Variants in MCTP1 observed in about 807,000 individuals in gnomAD.
MCTP1 encodes the protein multiple C2 and transmembrane domain-containing protein 1.
MCTP1 carries 69 observed loss-of-function variants against 120.6 expected under a neutral mutation model. That is an observed-to-expected ratio of 0.57 (90% CI 0.47 to 0.70). The LOEUF is 0.70. MCTP1 is among the 30% of genes least tolerant of loss of function. The probability of loss-of-function intolerance (pLI) is 0.00; values close to 1 mark genes in which losing one functional copy is unlikely to be tolerated. For synonymous variants in MCTP1, 529 were observed against 493.1 expected, an observed-to-expected ratio of 1.07 and a Z score of -0.96; for missense variants, 1,203 against 1,248.8, an observed-to-expected ratio of 0.96 and a Z score of 0.55.
At chr5:95,133,399 C>T (rs1759196701) in intron 1 of MCTP1, among the ~76,000 whole-genome samples, 1 of 152,150 alleles carries the variant, frequency 6.6e-6, no homozygotes, top group Non-Finnish European at 1.5e-5. Context: ...AGGCCGGGTG[C>T]AGTGGCTCAT....
intron 1 of MCTP1, among the ~76,000 whole-genome samples, chr5:95,039,186 TGATA>T (rs1297486770): frequency 1.3e-5 from 2 of 152,188 alleles, no homozygotes; most frequent in East Asian, 3.8e-4. Flanking sequence ...ACTTTCAAAA[TGATA>T]GTCTAATTAT....
chr5:94,921,378 G>A lies in MCTP1; in HGVS notation c.1272+2584C>T, dbSNP rs543434510. 7.2e-5 allele frequency among the ~76,000 whole-genome samples: 11 copies of A among 152,296 alleles called. No individual in the cohort carries two copies. The East Asian group carries it at 1.7e-3, about 24-fold the overall frequency. The stretch of plus-strand genomic sequence containing the variant: ...AGCAAGTAGCACTGATGTTCCAGCT[G>A]AGCAAGTTTTTACTAGGATGTAGTT... On this transcript the variant is annotated intron_variant, in intron 7 of 22. Transcript: ENST00000515393.
At chr5:94,716,267 A>G (rs1412753401) in intron 19 of MCTP1, among the ~76,000 whole-genome samples, 1 of 152,226 alleles carries the variant, frequency 6.6e-6, no homozygotes, top group Non-Finnish European at 1.5e-5. Flanking sequence ...GACGAGACGC[A>G]TAAAGCTTAA....
chr5:94,791,494 C>G (rs1434576529), intron 18 of MCTP1, among the ~76,000 whole-genome samples: 2 of 109,052 alleles, frequency 1.8e-5, no homozygotes, highest in Admixed American at 1.9e-4. Context: ...GACCCTGTTT[C>G]TAAAATACAC....
chr5:94,998,486 G>C (rs866904190), intron 2 of MCTP1, among the ~76,000 whole-genome samples: 3 of 152,124 alleles, frequency 2.0e-5, no homozygotes, highest in Middle Eastern at 6.8e-3. Flanking sequence ...AACTGATTCT[G>C]GTAGACCGCC....
intron 1 of MCTP1, among the ~76,000 whole-genome samples, chr5:95,238,084 A>G (rs1180771725): frequency 2.0e-5 from 3 of 152,224 alleles, no homozygotes; most frequent in Middle Eastern, 3.2e-3. Context: ...AATCGGAACA[A>G]GGGAAATTTG....
At chr5:95,110,385 G>A (rs1757367065) in intron 1 of MCTP1, among the ~76,000 whole-genome samples, 1 of 151,978 alleles carries the variant, frequency 6.6e-6, no homozygotes, top group Non-Finnish European at 1.5e-5. Flanking sequence ...TGGATAGGAG[G>A]AGACTGTCTT....
intron 20 of MCTP1, among the ~76,000 whole-genome samples, chr5:94,711,839 A>C (rs1338687374): frequency 1.3e-5 from 2 of 152,182 alleles, no homozygotes; most frequent in African/African-American, 4.8e-5. Flanking sequence ...AAAAGTAGAA[A>C]ATCAGGGAAC....
At chr5:95,123,147 A>G (rs1268885152) in intron 1 of MCTP1, among the ~76,000 whole-genome samples, 1 of 152,222 alleles carries the variant, frequency 6.6e-6, no homozygotes, top group African/African-American at 2.4e-5. Context: ...CACAAAGAAT[A>G]AATGCTTGAG....
In MCTP1 at chr5:95,087,451, C is replaced by T. The variant is rs530662262; in HGVS notation, c.721-69967G>A. On this transcript the variant is annotated intron_variant, in intron 1 of 22. Coordinates refer to ENST00000515393, the MANE Select transcript of MCTP1 (RefSeq NM_024717.7). The stretch of plus-strand genomic sequence containing the variant: ...GAACTGAATGAAGGCAGCACTCAAG[C>T]TTCCTTTAAAGGAGACAGTCTCTGC... Among the ~76,000 whole-genome samples, 6 of 152,300 alleles carry T rather than the reference C, an allele frequency of 3.9e-5. No homozygotes were observed. In the East Asian group the frequency reaches 1.2e-3, roughly 29 times the overall value.
chr5:95,046,718 C>A (rs1439213590), intron 1 of MCTP1, among the ~76,000 whole-genome samples: 1 of 152,122 alleles, frequency 6.6e-6, no homozygotes, highest in East Asian at 1.9e-4. Context: ...CCTCTCCCTG[C>A]AGTTAGTTAC....
intron 12 of MCTP1, among the ~76,000 whole-genome samples, chr5:94,877,363 G>A (rs186677010): frequency 5.2e-4 from 79 of 151,832 alleles, no homozygotes; most frequent in Non-Finnish European, 9.3e-4. Flanking sequence ...CCATAATCTA[G>A]TTAAATACTA....
At position 94,728,332 on chromosome 5, in the gene MCTP1, C is replaced by T. The variant is rs531278156; in HGVS notation, c.2611-13446G>A. Among the ~76,000 whole-genome samples, 5 of 152,212 alleles carry T rather than the reference C, an allele frequency of 3.3e-5. No individual in the cohort carries two copies. In the South Asian group the frequency reaches 6.2e-4, roughly 19 times the overall value. ...GAGCAAATCAGGATAAAAGCAATGTCGAAGTCATGTTAAAGGCCTGACTTG... is the reference window on the plus strand; with the variant it reads ...GAGCAAATCAGGATAAAAGCAATGTTGAAGTCATGTTAAAGGCCTGACTTG... On this transcript the variant is annotated intron_variant, in intron 19 of 22. Transcript: ENST00000515393.
intron 19 of MCTP1, among the ~76,000 whole-genome samples, chr5:94,722,320 G>T (rs1761101422): frequency 6.6e-6 from 1 of 152,114 alleles, no homozygotes; most frequent in Admixed American, 6.6e-5. Context: ...TTCTGGGACT[G>T]GTTTTTCCTG....
intron 10 of MCTP1, among the ~76,000 whole-genome samples, chr5:94,899,729 G>A (rs1805002580): frequency 6.6e-6 from 1 of 152,138 alleles, no homozygotes; most frequent in Non-Finnish European, 1.5e-5. Context: ...TATGGCCTGT[G>A]CACATGTGGC....
chr5:94,755,532 C>A (rs1438997005), intron 19 of MCTP1, among the ~76,000 whole-genome samples: 1 of 152,210 alleles, frequency 6.6e-6, no homozygotes, highest in Non-Finnish European at 1.5e-5. Flanking sequence ...ACCACGACCA[C>A]AACTAATCCA....
chr5:95,090,802 C>T (rs73140047), intron 1 of MCTP1, among the ~76,000 whole-genome samples: 1,978 of 152,200 alleles, frequency 0.013, 31 homozygotes, highest in African/African-American at 0.045. Context: ...CATCACTATC[C>T]CTAGTCAGAG....
intron 1 of MCTP1, among the ~76,000 whole-genome samples, chr5:95,155,662 C>T (rs958840091): frequency 6.6e-6 from 1 of 152,034 alleles, no homozygotes; most frequent in Non-Finnish European, 1.5e-5. Context: ...CACAAGATGG[C>T]TAGAAGCCAT....
intron 19 of MCTP1, among the ~76,000 whole-genome samples, chr5:94,770,161 T>C (rs1441962304): frequency 6.6e-6 from 1 of 152,188 alleles, no homozygotes; most frequent in Non-Finnish European, 1.5e-5. Context: ...TGGCAACACA[T>C]CTGGTTCTGC....
Sources: allele counts gnomAD v4.1 joint callset (sites outside exome capture counted in the v4.1 genomes callset), GRCh38; gene constraint gnomAD v4.1.1; transcripts MANE v1.5; gene names NCBI Gene and HGNC (gene_info 2026-07-23, HGNC 2026-07-21).